The following ZBTB17 variants were observed in gnomAD, a reference collection of about 807,000 sequenced individuals.
ZBTB17 encodes the protein zinc finger and BTB domain containing 17.
Under a neutral mutation model 85.1 loss-of-function variants are expected in ZBTB17, and 24 were observed. The ratio of observed to expected loss-of-function variants is 0.28; its 90% CI spans 0.20 to 0.40. ZBTB17 has a LOEUF of 0.40. Ranked by LOEUF, ZBTB17 falls within the 10% of genes least tolerant of loss-of-function variation. The pLI, the probability that ZBTB17 is intolerant of heterozygous loss-of-function variation, is 1.00. For missense variants in ZBTB17, 743 were observed against 1,105.1 expected (o/e 0.67, Z 4.65); for synonymous variants, 464 against 460.2 (o/e 1.01, Z -0.11).
intron 2 of ZBTB17, among the ~76,000 whole-genome samples, chr1:15,955,864 G>A (rs746801105): frequency 1.3e-5 from 2 of 152,186 alleles, no homozygotes; most frequent in African/African-American, 2.4e-5. Flanking sequence ...GTGACAGAGG[G>A]AGACCCTATC....
Position 15,946,165 on chromosome 1 carries a change from C to G in ZBTB17, c.524G>C (p.Ser175Thr). The change falls in exon 5 of 16, where the codon AGT becomes ACT. Residue 175 changes from serine to threonine, a missense_variant. Coordinates refer to ENST00000375743, the MANE Select transcript of ZBTB17 (RefSeq NM_003443.3). ...GGCATCTGACTCACCGCTGGCCGCA[C>G]TCTGGGCCTGACCGCCGCGCTCCTC... ...LKEERGGQAQ[S>T]AASGAEQTEK... is the part of the protein sequence containing the mutation. 6.2e-7 allele frequency: 1 copy of G among 1,607,914 alleles called. No individual in the cohort carries two copies. The highest frequency in any genetic ancestry group is 8.5e-7 in the Non-Finnish European group (1 of 1,179,958).
At chr1:15,948,528 C>T (rs1167570444) in intron 2 of ZBTB17, 31 bp from the exon 3 acceptor site, 5 of 1,602,250 alleles carry the variant, frequency 3.1e-6, no homozygotes, top group Admixed American at 1.7e-5. Flanking sequence ...TTGGGGTTAG[C>T]ACGGAGAAAG....
At chr1:15,967,325 A>C (rs1055962535) in intron 2 of ZBTB17, among the ~76,000 whole-genome samples, 3 of 151,982 alleles carry the variant, frequency 2.0e-5, no homozygotes, top group African/African-American at 7.2e-5. Context: ...GCAGTGAGCT[A>C]TGACAGCTCC....
intron 5 of ZBTB17, 85 bp downstream of exon 5, chr1:15,946,069 T>C (rs1411871900): frequency 6.3e-7 from 1 of 1,595,660 alleles, no homozygotes; most frequent in Non-Finnish European, 8.5e-7. Flanking sequence ...CCGTGCTACC[T>C]GCCCCAAGGC....
chr1:15,948,519 TG>T, intron 2 of ZBTB17, 22 bp from the exon 3 acceptor site: 1 of 1,610,208 alleles, frequency 6.2e-7, no homozygotes, highest in Non-Finnish European at 8.5e-7. Context: ...CAAAGGGCGT[TG>T]GGGTTAGCAC....
chr1:15,943,498 A>T lies in ZBTB17; in HGVS notation c.1598T>A (p.Val533Glu). Residue 533 changes from valine to glutamate, a missense_variant, in exon 12 of 16, where the codon GTG (valine) becomes GAG (glutamate). Val to Glu is a moderately radical substitution (Grantham distance 121, BLOSUM62 -2). Transcript: ENST00000375743. ...IHTGEKPCQC[V>E]MCGKAFTQAS... The stretch of plus-strand genomic sequence containing the variant: ...CTGGGTGAAGGCCTTACCGCACATC[A>T]CACACTGGCATGGCTTCTCACCTGG... 1 of 1,610,258 alleles carries T rather than the reference A, an allele frequency of 6.2e-7. No individual in the cohort carries two copies.
chr1:15,961,948 A>C (rs2072275620), intron 2 of ZBTB17, among the ~76,000 whole-genome samples: 2 of 152,200 alleles, frequency 1.3e-5, no homozygotes, highest in Admixed American at 6.5e-5. Context: ...GCGTGCCTGT[A>C]ATCTCAGCAC....
chr1:15,943,848 G>A lies in ZBTB17; in HGVS notation c.1419C>T (p.Pro473=), dbSNP rs760605958. The A allele has an allele frequency of 1.6e-5, 25 of 1,611,152 alleles. No homozygotes were observed. Among genetic ancestry groups the A allele is most frequent in the Non-Finnish European group, 2.0e-5 (24 of 1,179,074 alleles). The change falls in exon 10 of 16, where the codon CCC becomes CCT. Residue 473 remains proline, a synonymous_variant. Transcript: ENST00000375743. ...GCTTCCCACACTCTCGGCACTTGAG[G>A]GGCCCGTCAGCGATGTGGATCTTCA... is the stretch of plus-strand genomic sequence containing the variant. ...AHLKIHIADG[P]LKCRECGKQF... is the part of the protein sequence containing the mutation.
chr1:15,946,110 G>A (rs1557776092), intron 5 of ZBTB17, 44 bp downstream of exon 5: 1 of 1,601,044 alleles, frequency 6.2e-7, no homozygotes, highest in Non-Finnish European at 8.5e-7. Flanking sequence ...CAGGCTGCTG[G>A]GAGGTGACAG....
intron 2 of ZBTB17, among the ~76,000 whole-genome samples, chr1:15,969,236 C>G (rs773084040): frequency 1.3e-5 from 2 of 152,150 alleles, no homozygotes; most frequent in Non-Finnish European, 2.9e-5. Flanking sequence ...CAGATGGGAT[C>G]GTCTAGTTGC....
chr1:15,942,056 G>C lies in ZBTB17; in HGVS notation c.2325C>G (p.Val775=). 1 of 1,612,626 alleles carries C rather than the reference G, an allele frequency of 6.2e-7. No homozygotes were observed. The highest frequency in any genetic ancestry group is 2.2e-5 in the East Asian group (1 of 44,874). Residue 775 remains valine (V), a synonymous_variant, in exon 16 of 16, where the codon GTC becomes GTG. Transcript: ENST00000375743. The stretch of plus-strand genomic sequence containing the variant: ...CCTCAGCCCCGTCGCGAGGGCGGAA[G>C]ACCAGCTCCCCAGCCTGCAGCACCT... The part of the protein sequence containing the change: ...AGQVLQAGEL[V]FRPRDGAEGQ...
chr1:15,971,447 TACACACACACTATATATAC>T (rs1557799623), intron 2 of ZBTB17, among the ~76,000 whole-genome samples: 14 of 123,710 alleles, frequency 1.1e-4, no homozygotes, highest in African/African-American at 3.6e-4. Flanking sequence ...ACTATATATA[TACACACACACTATATATAC>T]ACACACACTA....
In ZBTB17 at chr1:15,966,180, C is replaced by T. The variant is rs558615709; in HGVS notation, c.-3+6859G>A. Among the ~76,000 whole-genome samples the T allele has an allele frequency of 6.8e-4, 103 of 152,278 alleles. No homozygotes were observed. Among genetic ancestry groups the T allele is most frequent in the African/African-American group, 2.3e-3 (97 of 41,568 alleles). On this transcript the variant is annotated intron_variant, in intron 2 of 15. Transcript: ENST00000375743. This position sits in a 1 kb window ranked among gnomAD's most constrained non-coding sequence, Gnocchi z 4.1. ...AATCCCTGAGGGGCCCACATGGCCCCGAGACTACAGAAATGAGAAGTGCTT... is the reference window on the plus strand; with the variant it reads ...AATCCCTGAGGGGCCCACATGGCCCTGAGACTACAGAAATGAGAAGTGCTT...
chr1:15,950,372 G>A (rs1206688402), intron 2 of ZBTB17, among the ~76,000 whole-genome samples: 1 of 152,272 alleles, frequency 6.6e-6, no homozygotes, highest in Non-Finnish European at 1.5e-5. Context: ...GGTGGGTGCA[G>A]AAGGAACCAA....
At chr1:15,961,193 A>G (rs952546796) in intron 2 of ZBTB17, among the ~76,000 whole-genome samples, 1 of 152,276 alleles carries the variant, frequency 6.6e-6, no homozygotes, top group African/African-American at 2.4e-5. Context: ...CATTCGAAGT[A>G]TAACAGATAC....
At chr1:15,945,546 T>G (rs1380941413) in intron 6 of ZBTB17, among the ~76,000 whole-genome samples, 169 bp downstream of exon 6, 1 of 152,126 alleles carries the variant, frequency 6.6e-6, no homozygotes, top group African/African-American at 2.4e-5. Flanking sequence ...AGGAACGACC[T>G]CGAGACTCAA....
rs1030261641 is a variant in ZBTB17, at chr1:15,943,720, G to A, written c.1460-5C>T. 3 of 1,613,088 alleles carry A rather than the reference G, an allele frequency of 1.9e-6. No individual in the cohort carries two copies. Among genetic ancestry groups the A allele is most frequent in the Non-Finnish European group, 2.5e-6 (3 of 1,179,924 alleles). ...GAAGGTGCCGCTTCAGGTTCCCTGT[G>A]GCGAGACCGAGGGCGAACCTGGCGT... is the stretch of plus-strand genomic sequence containing the variant. On this transcript the variant is annotated splice_region_variant and splice_polypyrimidine_tract_variant and intron_variant, in intron 10 of 15. Transcript: ENST00000375743.
Position 15,953,972 on chromosome 1 carries a change from A to C in ZBTB17, c.-2-5475T>G, listed in dbSNP as rs2148783023. 6.6e-6 allele frequency among the ~76,000 whole-genome samples: 1 copy of C among 152,276 alleles called. No individual in the cohort carries two copies. The highest frequency in any genetic ancestry group is 1.9e-4 in the East Asian group (1 of 5,184). On this transcript the variant is annotated intron_variant, in intron 2 of 15. Transcript: ENST00000375743. This position sits in a 1 kb window ranked among gnomAD's most constrained non-coding sequence, Gnocchi z 5.1. ...AGATGGTTTCTATATACCCCTTTGC[A>C]CTGGGCACATGGGGTACTTGACCTT...
chr1:15,954,966 C>T (rs1302354188), intron 2 of ZBTB17, among the ~76,000 whole-genome samples: 1 of 152,132 alleles, frequency 6.6e-6, no homozygotes, highest in East Asian at 1.9e-4. Flanking sequence ...GCCAGCCTGG[C>T]CAACATGGCA....
Sources: gnomAD v4.1 joint callset for allele counts (sites outside exome capture counted in the v4.1 genomes callset) on GRCh38, gnomAD v4.1.1 for gene constraint, Gnocchi (gnomAD v3.1) non-coding constraint, MANE v1.5 for transcripts, NCBI Gene and HGNC (gene_info 2026-07-23, HGNC 2026-07-21) for gene names.